KIFC3: variants seen among roughly 807,000 people sequenced by gnomAD.
KIFC3 encodes the protein kinesin-like protein KIFC3.
A neutral mutation model predicts 101.8 loss-of-function variants in KIFC3; 60 were observed. The ratio of observed to expected loss-of-function variants is 0.59; its 90% CI spans 0.48 to 0.73. The LOEUF (loss-of-function observed/expected upper bound fraction) is 0.73. Among genes scored for constraint, KIFC3 ranks in the 30% least tolerant of loss-of-function variants. KIFC3 has a pLI of 0.00. For synonymous variants in KIFC3, 476 were observed against 482.7 expected, an observed-to-expected ratio of 0.99 and a Z score of 0.18; for missense variants, 966 against 1,137.1, an observed-to-expected ratio of 0.85 and a Z score of 2.16.
chr16:57,797,998 G>C, intron 2 of KIFC3, 74 bp downstream of exon 2: 1 of 1,549,310 alleles, frequency 6.5e-7, no homozygotes, highest in Non-Finnish European at 8.7e-7. Flanking sequence ...GAACCGGTGA[G>C]AAACCTCAGT....
rs1959312012 is a variant in KIFC3, at chr16:57,862,043, T to A, written c.108+686A>T. On this transcript the variant is annotated intron_variant, in intron 1 of 2. Coordinates refer to the KIFC3 transcript ENST00000563028. Reference sequence around the variant, plus strand: ...ACTGGCTAGTCATATGTATAGATCATCAAAGAACAAGGATGAGCTTCTGGA... The same window carrying A: ...ACTGGCTAGTCATATGTATAGATCAACAAAGAACAAGGATGAGCTTCTGGA... 2.0e-5 allele frequency among the ~76,000 whole-genome samples: 3 copies of A among 152,138 alleles called. No individual in the cohort carries two copies. The South Asian group carries it at 6.2e-4, about 32-fold the overall frequency.
intron 7 of KIFC3, among the ~76,000 whole-genome samples, 158 bp from the exon 8 acceptor site, chr16:57,770,113 C>T (rs1035180221): frequency 8.5e-5 from 13 of 152,242 alleles, no homozygotes; most frequent in Non-Finnish European, 1.8e-4. Flanking sequence ...GTCTCCCTCC[C>T]CCTACAGGGC....
chr16:57,790,432 G>A (rs1178715207), intron 3 of KIFC3, among the ~76,000 whole-genome samples: 2 of 141,944 alleles, frequency 1.4e-5, no homozygotes, highest in Non-Finnish European at 3.0e-5. Context: ...AAGAGAGATA[G>A]CAAACAATTT....
rs1454544769 is a variant in KIFC3 at position 57,771,555 on chromosome 16, A to G, written c.513T>C (p.Cys171=). The change falls in exon 5 of 20, where the codon TGT becomes TGC. Residue 171 remains cysteine (C), a synonymous_variant. Coordinates refer to ENST00000445690, the MANE Select transcript of KIFC3 (RefSeq NM_001130100.2). The stretch of plus-strand genomic sequence containing the variant: ...CCATTCTGCTCACCTGGCTGTGCTC[A>G]CAACCTGGGCAGGGACCTGCTGGCT... ...RTKPAGPCPG[C]EHSQESAQLR... 8.1e-6 allele frequency: 13 copies of G among 1,613,242 alleles called. No individual in the cohort carries two copies. Among genetic ancestry groups the G allele is most frequent in the Non-Finnish European group, 1.1e-5 (13 of 1,179,784 alleles).
In KIFC3 at chr16:57,758,907, T is replaced by C. The variant is rs782174337; in HGVS notation, c.*27A>G. On this transcript the variant is annotated splice_region_variant and 3_prime_UTR_variant, in exon 20 of 20. Coordinates refer to ENST00000445690, the MANE Select transcript of KIFC3 (RefSeq NM_001130100.2). The stretch of plus-strand genomic sequence containing the variant: ...CGTCACACAGGCAGTGGCCGCGACT[T>C]CCCTGCAGGGGCATGAGATCATCAG... The C allele has an allele frequency of 1.9e-6, 3 of 1,577,096 alleles. No homozygotes were observed. The highest frequency in any genetic ancestry group is 1.7e-6 in the Non-Finnish European group (2 of 1,161,268).
In KIFC3 at chr16:57,770,656, C is replaced by T; in HGVS notation, c.810G>A (p.Gln270=). 1 of 1,558,952 alleles carries T rather than the reference C, an allele frequency of 6.4e-7. No homozygotes were observed. The highest frequency in any genetic ancestry group is 8.7e-7 in the Non-Finnish European group (1 of 1,152,274). Residue 270 remains glutamine (Q), a synonymous_variant, in exon 7 of 20, where the codon CAG becomes CAA. Transcript: ENST00000445690. ...TCCGGGCCTGGGACTCGCTGAGGGC[C>T]TGCTTGGTCTTGGACGACTCCACCT... ...TVEVESSKTK[Q]ALSESQARNQ... is the part of the protein sequence containing the mutation.
intron 1 of KIFC3, among the ~76,000 whole-genome samples, chr16:57,862,257 C>G (rs1959338004): frequency 6.8e-6 from 1 of 147,082 alleles, no homozygotes; most frequent in African/African-American, 2.5e-5. Flanking sequence ...CTCTTGAGCT[C>G]AAGTGATCCT....
intron 3 of KIFC3, among the ~76,000 whole-genome samples, chr16:57,789,372 G>A (rs1409337713): frequency 1.3e-5 from 2 of 152,270 alleles, no homozygotes; most frequent in African/African-American, 4.8e-5. Flanking sequence ...GGGGAGGCAC[G>A]AAGAGGTGTT....
chr16:57,855,119 C>CTTTT (rs1229988962), intron 1 of KIFC3, among the ~76,000 whole-genome samples: 180 of 104,806 alleles, frequency 1.7e-3, no homozygotes, highest in Non-Finnish European at 2.6e-3. Context: ...CCATTTCTTT[C>CTTTT]TTTTTTTTTT....
chr16:57,785,350 C>T, intron 3 of KIFC3: 1 of 492,124 alleles, frequency 2.0e-6, no homozygotes, highest in Non-Finnish European at 2.9e-6. Context: ...GAAACGAGAC[C>T]CCAGCTATCT....
At chr16:57,794,099 T>C (rs1555621535) in intron 3 of KIFC3, among the ~76,000 whole-genome samples, 1 of 152,232 alleles carries the variant, frequency 6.6e-6, no homozygotes, top group African/African-American at 2.4e-5. Context: ...ATGAGTATGA[T>C]GAGGACTAAC....
At chr16:57,788,857 C>T (rs150571880) in intron 3 of KIFC3, 551 of 679,468 alleles carry the variant, frequency 8.1e-4, no homozygotes, top group Non-Finnish European at 1.0e-3. Context: ...TGGGTGGGGA[C>T]GTTGAGGTCC....
intron 1 of KIFC3, among the ~76,000 whole-genome samples, chr16:57,830,068 C>T (rs1199201431): frequency 6.6e-6 from 1 of 152,070 alleles, no homozygotes; most frequent in East Asian, 1.9e-4. Flanking sequence ...ACAGCCTCTA[C>T]CAGGGAATTA....
rs144809025 is a variant in KIFC3, at chr16:57,844,303, G to A, written c.108+18426C>T. On this transcript the variant is annotated intron_variant, in intron 1 of 2. Coordinates refer to the KIFC3 transcript ENST00000563028. ...AAATTAGCTAGGCATGGTGGCAGGC[G>A]CCTGTAATCCCAGCTACTCGGGAGG... Among the ~76,000 whole-genome samples, 1,305 of 151,900 alleles carry A rather than the reference G, an allele frequency of 8.6e-3. 7 individuals are homozygous for A. Among genetic ancestry groups the A allele is most frequent in the Non-Finnish European group, 0.016 (1,064 of 67,950 alleles).
intron 1 of KIFC3, chr16:57,813,865 C>T (rs555699552): frequency 1.1e-5 from 11 of 985,354 alleles, no homozygotes; most frequent in South Asian, 4.7e-5. Flanking sequence ...AAAAGCCATG[C>T]GGTCCCTGGT....
intron 3 of KIFC3, among the ~76,000 whole-genome samples, chr16:57,780,353 A>G (rs2052568540): frequency 1.3e-5 from 2 of 152,056 alleles, no homozygotes; most frequent in South Asian, 4.1e-4. Context: ...TCTACTAAAA[A>G]TACAAAAATT....
rs782109072 is a variant in KIFC3, at chr16:57,795,164, GTGAGACACTCCGA to G, written c.173-36_173-24del. On this transcript the variant is annotated intron_variant, in intron 2 of 19. Transcript: ENST00000445690. ...GCCCTGTCCCAGGACAGAGAGATAG[GTGAGACACTCCGA>G]CCACTGGCCAAAGACTGCTAGCCAT... is the stretch of plus-strand genomic sequence containing the variant. 1.9e-6 allele frequency: 3 copies of G among 1,601,872 alleles called. No individual in the cohort carries two copies. The Admixed American group carries it at 5.2e-5, about 28-fold the overall frequency.
chr16:57,795,079 G>C lies in KIFC3; in HGVS notation c.235C>G (p.Pro79Ala), dbSNP rs1568044825. 1 of 1,608,762 alleles carries C rather than the reference G, an allele frequency of 6.2e-7. No homozygotes were observed. Among genetic ancestry groups the C allele is most frequent in the Non-Finnish European group, 8.5e-7 (1 of 1,177,942 alleles). ...EDSSARSAAR[P>A]ALAQCRALSV... The stretch of plus-strand genomic sequence containing the variant: ...AGGGCTCGGCACTGAGCTAGGGCTG[G>C]GCGAGCTGCACTTCGGGCACTGGAG... The change falls in exon 3 of 20, where the codon CCA (proline) becomes GCA (alanine). Residue 79 changes from proline to alanine, a missense_variant. This residue lies in a region of KIFC3 where 277 missense variants were observed against 252.5 expected (regional missense o/e 1.10). Coordinates refer to ENST00000445690, the MANE Select transcript of KIFC3 (RefSeq NM_001130100.2).
At position 57,808,514 on chromosome 16, in the gene KIFC3, G is replaced by A. The variant is rs782724361; in HGVS notation, c.109-10232C>T. 4.6e-5 allele frequency among the ~76,000 whole-genome samples: 7 copies of A among 152,054 alleles called. No individual in the cohort carries two copies. The South Asian group carries it at 1.5e-3, about 32-fold the overall frequency. On this transcript the variant is annotated intron_variant, in intron 1 of 2. Coordinates refer to the KIFC3 transcript ENST00000563028. ...CCTCATTCACTTCTCCCCACCTGCTGCAAATTCTAGGTGGCAGTTTTTGTT... is the reference window on the plus strand; with the variant it reads ...CCTCATTCACTTCTCCCCACCTGCTACAAATTCTAGGTGGCAGTTTTTGTT...
Sources: gnomAD v4.1 joint callset for allele counts (sites outside exome capture counted in the v4.1 genomes callset) on GRCh38, gnomAD v4.1.1 for gene constraint, gnomAD v4.1.1 regional missense constraint, MANE v1.5 for transcripts, NCBI Gene and HGNC (gene_info 2026-07-23, HGNC 2026-07-21) for gene names.